LRRN3: variants seen among roughly 807,000 people sequenced by gnomAD.
LRRN3 encodes leucine rich repeat neuronal 3, also known as leucine-rich repeat neuronal protein 3.
A neutral mutation model predicts 40.1 loss-of-function variants in LRRN3; 15 were observed. The ratio of observed to expected loss-of-function variants is 0.37; its 90% CI spans 0.25 to 0.58. The LOEUF (loss-of-function observed/expected upper bound fraction) is 0.58, where lower values mean the gene tolerates loss of function less well. Ranked by LOEUF, LRRN3 falls within the 20% of genes least tolerant of loss-of-function variation. LRRN3 has a pLI of 0.72. For missense variants in LRRN3, 746 were observed against 837.7 expected, an observed-to-expected ratio of 0.89 and a Z score of 1.35; for synonymous variants, 308 against 297.2, an observed-to-expected ratio of 1.04 and a Z score of -0.37.
chr7:111,092,496 G>A (rs2129578071), intron 1 of LRRN3, among the ~76,000 whole-genome samples: 1 of 152,280 alleles, frequency 6.6e-6, no homozygotes, highest in East Asian at 1.9e-4. Flanking sequence ...CTAATTTAGT[G>A]AAAAGGGGAT....
chr7:111,120,259 CAA>C (rs1487688184), intron 2 of LRRN3, among the ~76,000 whole-genome samples: 1 of 152,002 alleles, frequency 6.6e-6, no homozygotes, highest in African/African-American at 2.4e-5. Flanking sequence ...GAGTAATTTA[CAA>C]AGAAAAAGAG....
chr7:111,092,505 AT>A (rs1796978452), intron 1 of LRRN3, among the ~76,000 whole-genome samples: 1 of 152,190 alleles, frequency 6.6e-6, no homozygotes. Context: ...TGAAAAGGGG[AT>A]AATGTGAAAA....
chr7:111,123,763 T>C lies in LRRN3; in HGVS notation c.991T>C (p.Phe331Leu), dbSNP rs565365946. The C allele has an allele frequency of 6.2e-7, 1 of 1,613,864 alleles. No individual in the cohort carries two copies. The highest frequency in any genetic ancestry group is 1.3e-5 in the African/African-American group (1 of 74,904). Residue 331 changes from phenylalanine to leucine, a missense_variant, in exon 3 of 3, where the codon TTC becomes CTC. Phe to Leu is a conservative substitution (Grantham distance 22). Coordinates refer to ENST00000308478, the MANE Select transcript of LRRN3 (RefSeq NM_001099658.2). The surrounding 1 kb of genome is among the most constrained non-coding windows in gnomAD (Gnocchi z 6.4). ...RLSYIHPNAF[F>L]RLPKLESLML... The stretch of plus-strand genomic sequence containing the variant: ...GTCTTACATTCACCCCAATGCATTT[T>C]TCAGACTCCCCAAGCTGGAATCACT...
chr7:111,111,915 T>C (rs1298047465), intron 2 of LRRN3, among the ~76,000 whole-genome samples: 7 of 146,546 alleles, frequency 4.8e-5, no homozygotes, highest in Non-Finnish European at 1.0e-4. Context: ...TATTTATATA[T>C]TTTATTTATA....
In LRRN3 at chr7:111,122,726, T is replaced by A; in HGVS notation, c.-47T>A. 6.9e-7 allele frequency: 1 copy of A among 1,457,342 alleles called. No individual in the cohort carries two copies. The highest frequency in any genetic ancestry group is 2.3e-5 in the East Asian group (1 of 43,972). The allele number at this position is 1,457,342 out of a possible 1,614,324, so 90.3% of individuals were successfully genotyped here. ...TCCTATTGAACTTACTAGCACTGACTGTGGAATCCTTAAGGGCCCATTACA... is the reference window on the plus strand; with the variant it reads ...TCCTATTGAACTTACTAGCACTGACAGTGGAATCCTTAAGGGCCCATTACA... On this transcript the variant is annotated 5_prime_UTR_variant, in exon 3 of 3. Transcript: ENST00000308478.
intron 2 of LRRN3, among the ~76,000 whole-genome samples, chr7:111,105,925 C>T (rs1377180503): frequency 1.3e-5 from 2 of 151,928 alleles, no homozygotes; most frequent in Admixed American, 1.3e-4. Context: ...CTACGCATGA[C>T]ACTCCCAGGA....
At chr7:111,102,827 A>T (rs902344192) in intron 2 of LRRN3, among the ~76,000 whole-genome samples, 1 of 151,554 alleles carries the variant, frequency 6.6e-6, no homozygotes, top group African/African-American at 2.4e-5. Flanking sequence ...GTCATAAAAG[A>T]CTTCATAATA....
Position 111,124,614 on chromosome 7 carries a change from G to T in LRRN3, c.1842G>T (p.Leu614Phe), listed in dbSNP as rs1384408770. Residue 614 changes from leucine (L) to phenylalanine (F), a missense_variant, in exon 3 of 3, where the codon TTG becomes TTT. Coordinates refer to ENST00000308478, the MANE Select transcript of LRRN3 (RefSeq NM_001099658.2). ...GTGTAAATGTCACCACCAAAGGTTT[G>T]CACCCTGATCAAAAAGAGTATGAAA... is the stretch of plus-strand genomic sequence containing the variant. ...KKCVNVTTKG[L>F]HPDQKEYEKN... 6.2e-7 allele frequency: 1 copy of T among 1,613,838 alleles called. No individual in the cohort carries two copies. The highest frequency in any genetic ancestry group is 8.5e-7 in the Non-Finnish European group (1 of 1,180,004).
chr7:111,123,449 A>T lies in LRRN3; in HGVS notation c.677A>T (p.Glu226Val). 6.2e-7 allele frequency: 1 copy of T among 1,613,572 alleles called. No homozygotes were observed. The highest frequency in any genetic ancestry group is 8.5e-7 in the Non-Finnish European group (1 of 1,179,850). The change falls in exon 3 of 3, where the codon GAA becomes GTA. Residue 226 changes from glutamate (E) to valine (V), a missense_variant. Coordinates refer to ENST00000308478, the MANE Select transcript of LRRN3 (RefSeq NM_001099658.2). The surrounding 1 kb of genome is among the most constrained non-coding windows in gnomAD (Gnocchi z 6.4). ...GTTATAGCTGGTATAAACCTCACAGAAATACCAGATAACGCCTTGGTTGGA... is the reference window on the plus strand; with the variant it reads ...GTTATAGCTGGTATAAACCTCACAGTAATACCAGATAACGCCTTGGTTGGA... ...SLVIAGINLT[E>V]IPDNALVGLE... is the part of the protein sequence containing the mutation.
chr7:111,121,605 A>T (rs527285663), intron 2 of LRRN3, among the ~76,000 whole-genome samples: 1 of 152,312 alleles, frequency 6.6e-6, no homozygotes, highest in African/African-American at 2.4e-5. Context: ...GATGTGGAGA[A>T]ATAGGAACAC....
chr7:111,114,206 A>G (rs1291867252), intron 2 of LRRN3, among the ~76,000 whole-genome samples: 1 of 152,032 alleles, frequency 6.6e-6, no homozygotes, highest in African/African-American at 2.4e-5. Context: ...GTGTATATAA[A>G]TTACTCCTGA....
Position 111,123,507 on chromosome 7 carries a change from T to C in LRRN3, c.735T>C (p.Asp245=), listed in dbSNP as rs214865. 0.039 allele frequency: 62,195 copies of C among 1,613,728 alleles called. 3,654 individuals carry two copies. Among genetic ancestry groups the C allele is most frequent in the African/African-American group, 0.28 (21,135 of 74,900 alleles). Residue 245 remains aspartate, a synonymous_variant, in exon 3 of 3, where the codon GAT becomes GAC. Transcript: ENST00000308478. This position sits in a 1 kb window ranked among gnomAD's most constrained non-coding sequence, Gnocchi z 6.4. The part of the protein sequence containing the change: ...LENLESISFY[D]NRLIKVPHVA... The stretch of plus-strand genomic sequence containing the variant: ...ACTTAGAAAGCATCTCTTTTTACGA[T>C]AACAGGCTTATTAAAGTACCCCATG...
chr7:111,111,375 A>G (rs1366004641), intron 2 of LRRN3, among the ~76,000 whole-genome samples: 1 of 150,878 alleles, frequency 6.6e-6, no homozygotes, highest in Non-Finnish European at 1.5e-5. Flanking sequence ...AAAATTTGGT[A>G]GGCATCACAA....
At chr7:111,107,181 C>G (rs78464832) in intron 2 of LRRN3, among the ~76,000 whole-genome samples, 1 of 131,892 alleles carries the variant, frequency 7.6e-6, no homozygotes. Flanking sequence ...CTTTCCCTCT[C>G]TCTCCTTCCC....
rs141155565 is a variant in LRRN3, at chr7:111,124,572, G to T, written c.1800G>T (p.Gln600His). The T allele has an allele frequency of 6.2e-7, 1 of 1,613,676 alleles. No individual in the cohort carries two copies. Among genetic ancestry groups the T allele is most frequent in the Non-Finnish European group, 8.5e-7 (1 of 1,179,940 alleles). ...KICIDIPTIY[Q>H]KNRKKCVNVT... ...GTATTGATATTCCCACCATCTATCA[G>T]AAAAACAGAAAAAAATGTGTAAATG... Residue 600 changes from glutamine (Q) to histidine (H), a missense_variant, in exon 3 of 3, where the codon CAG becomes CAT. Gln to His is a conservative substitution (Grantham distance 24). Transcript: ENST00000308478.
At chr7:111,093,680 G>GA (rs1298020379) in intron 1 of LRRN3, among the ~76,000 whole-genome samples, 1 of 152,158 alleles carries the variant, frequency 6.6e-6, no homozygotes, top group Non-Finnish European at 1.5e-5. Context: ...TTCAGTCTGA[G>GA]AAATACCAAC....
Position 111,124,601 on chromosome 7 carries a change from C to T in LRRN3, c.1829C>T (p.Thr610Ile), listed in dbSNP as rs1280053532. The T allele has an allele frequency of 3.1e-6, 5 of 1,613,920 alleles. No homozygotes were observed. The East Asian group carries it at 8.9e-5, about 29-fold the overall frequency. The change falls in exon 3 of 3, where the codon ACC becomes ATC. Residue 610 changes from threonine to isoleucine, a missense_variant. Thr to Ile is a moderately conservative substitution (Grantham distance 89). Transcript: ENST00000308478. ...AACAGAAAAAAATGTGTAAATGTCA[C>T]CACCAAAGGTTTGCACCCTGATCAA... ...QKNRKKCVNV[T>I]TKGLHPDQKE...
At chr7:111,118,008 C>T (rs1800100308) in intron 2 of LRRN3, among the ~76,000 whole-genome samples, 1 of 152,018 alleles carries the variant, frequency 6.6e-6, no homozygotes, top group Non-Finnish European at 1.5e-5. Flanking sequence ...TCACTATACC[C>T]CAGCTGATTT....
At chr7:111,112,987 C>T (rs939653639) in intron 2 of LRRN3, among the ~76,000 whole-genome samples, 6 of 152,092 alleles carry the variant, frequency 3.9e-5, no homozygotes, top group East Asian at 1.9e-4. Context: ...TTAGTAAAAA[C>T]GTAAAACACT....
Sources: allele counts gnomAD v4.1 joint callset (sites outside exome capture counted in the v4.1 genomes callset), GRCh38; gene constraint gnomAD v4.1.1; non-coding constraint Gnocchi (gnomAD v3.1); transcripts MANE v1.5; gene names NCBI Gene and HGNC (gene_info 2026-07-23, HGNC 2026-07-21).